Variants in PKIB observed in about 807,000 individuals in gnomAD.
The protein encoded by PKIB is cAMP-dependent protein kinase inhibitor beta.
PKIB carries 2 observed loss-of-function variants against 4.5 expected under a neutral mutation model. The ratio of observed to expected loss-of-function variants is 0.44; its 90% CI spans 0.18 to 1.39. PKIB has a LOEUF of 1.39. Among genes scored for constraint, PKIB ranks in the 40% most tolerant of loss-of-function variants. PKIB has a pLI of 0.27. For missense variants in PKIB, 94 were observed against 92.6 expected (o/e 1.02, Z -0.06); for synonymous variants, 38 against 36.0 (o/e 1.06, Z -0.20).
At chr6:122,475,722 G>A (rs1775437816) in intron 1 of PKIB, among the ~76,000 whole-genome samples, 11 of 152,130 alleles carry the variant, frequency 7.2e-5, no homozygotes, top group Admixed American at 7.2e-4. Flanking sequence ...GGAGGCAGAG[G>A]TTGCAGTGAG....
intron 3 of PKIB, among the ~76,000 whole-genome samples, chr6:122,704,183 C>T (rs1264747980): frequency 6.6e-6 from 1 of 152,020 alleles, no homozygotes; most frequent in Non-Finnish European, 1.5e-5. Context: ...AATTCTCCTT[C>T]TCTCTATCTT....
At chr6:122,623,201 C>A (rs1775308902) in intron 1 of PKIB, among the ~76,000 whole-genome samples, 1 of 152,092 alleles carries the variant, frequency 6.6e-6, no homozygotes. Flanking sequence ...GTAGAAAGGT[C>A]AGAAAATAAC....
At chr6:122,555,525 T>C (rs1328386497) in intron 2 of PKIB, among the ~76,000 whole-genome samples, 2 of 152,168 alleles carry the variant, frequency 1.3e-5, no homozygotes, top group African/African-American at 4.8e-5. Context: ...AAATTGACTT[T>C]AGACAAGACA....
chr6:122,644,929 A>G (rs1277843532), intron 2 of PKIB, among the ~76,000 whole-genome samples: 1 of 152,088 alleles, frequency 6.6e-6, no homozygotes, highest in Non-Finnish European at 1.5e-5. Context: ...GACTGTGACA[A>G]CTCCTGTAAC....
chr6:122,725,289 G>T lies in PKIB; in HGVS notation c.*94G>T, dbSNP rs1779912655. The T allele has an allele frequency of 1.0e-6, 1 of 1,001,472 alleles. No individual in the cohort carries two copies. The highest frequency in any genetic ancestry group is 1.5e-6 in the Non-Finnish European group (1 of 661,988). 62.0% of individuals were successfully genotyped at this position (1,001,472 alleles called of 1,614,324 possible). On this transcript the variant is annotated 3_prime_UTR_variant, in exon 5 of 5. Transcript: ENST00000368452. Reference sequence around the variant, plus strand: ...GACATTTAATCTGGTGGTAACTGTGGTAACATTGCAGCCCTAAGCAGCATG... The same window carrying T: ...GACATTTAATCTGGTGGTAACTGTGTTAACATTGCAGCCCTAAGCAGCATG...
intron 3 of PKIB, among the ~76,000 whole-genome samples, chr6:122,586,605 G>T (rs1271317367): frequency 6.6e-6 from 1 of 152,156 alleles, no homozygotes; most frequent in Non-Finnish European, 1.5e-5. Context: ...TCTTTACTGA[G>T]TATTAAATTC....
chr6:122,696,165 G>A (rs1778561953), intron 3 of PKIB, among the ~76,000 whole-genome samples: 1 of 152,254 alleles, frequency 6.6e-6, no homozygotes, highest in Non-Finnish European at 1.5e-5. Context: ...TTGAAAGTCA[G>A]CATTATTTAT....
At chr6:122,533,549 G>A (rs1433122838) in intron 2 of PKIB, among the ~76,000 whole-genome samples, 1 of 152,110 alleles carries the variant, frequency 6.6e-6, no homozygotes, top group Non-Finnish European at 1.5e-5. Context: ...TTTCTCTATT[G>A]TCTCACACTA....
chr6:122,547,422 G>T lies in PKIB; in HGVS notation c.-247-38499G>T, dbSNP rs561340178. On this transcript the variant is annotated intron_variant, in intron 2 of 6. Transcript: ENST00000392491. ...ACGATCTCAGCTCACTGCAACCTCC[G>T]CCTCCTGGATTCAAGCGATTCTCCT... Among the ~76,000 whole-genome samples the T allele has an allele frequency of 1.9e-3, 294 of 152,054 alleles. 3 individuals carry two copies. The highest frequency in any genetic ancestry group is 7.0e-3 in the African/African-American group (288 of 41,408).
At chr6:122,564,783 G>A (rs1164764366) in intron 2 of PKIB, among the ~76,000 whole-genome samples, 1 of 152,134 alleles carries the variant, frequency 6.6e-6, no homozygotes. Context: ...GGTGGCTGCT[G>A]TAGGTTAGGG....
intron 2 of PKIB, chr6:122,481,017 C>T (rs1775596580): frequency 6.6e-6 from 1 of 152,016 alleles, no homozygotes; most frequent in African/African-American, 2.4e-5. Context: ...CTCCTTGCAT[C>T]AAATCAAGCC....
At chr6:122,505,749 GTAT>G (rs544036982) in intron 2 of PKIB, among the ~76,000 whole-genome samples, 6 of 151,922 alleles carry the variant, frequency 3.9e-5, no homozygotes, top group Admixed American at 6.6e-5. Context: ...ATGTTTAGTA[GTAT>G]TATATGAATA....
intron 2 of PKIB, among the ~76,000 whole-genome samples, chr6:122,513,349 ACT>A (rs1776646043): frequency 6.6e-6 from 1 of 152,120 alleles, no homozygotes; most frequent in African/African-American, 2.4e-5. Flanking sequence ...TCTTGCTTTT[ACT>A]CTCTACCTTG....
chr6:122,481,087 G>GA (rs1775597820), intron 2 of PKIB: 1 of 152,132 alleles, frequency 6.6e-6, no homozygotes, highest in African/African-American at 2.4e-5. Flanking sequence ...CTTTTCAGTG[G>GA]AAAACCTGAC....
At chr6:122,719,543 G>T (rs1401634921) in intron 4 of PKIB, among the ~76,000 whole-genome samples, 1 of 152,138 alleles carries the variant, frequency 6.6e-6, no homozygotes, top group African/African-American at 2.4e-5. Context: ...GAGTAGAATG[G>T]TAGCTACCAG....
At chr6:122,644,625 T>G (rs1452612381) in intron 2 of PKIB, 1 of 152,210 alleles carries the variant, frequency 6.6e-6, no homozygotes, top group Non-Finnish European at 1.5e-5. Flanking sequence ...CCTGTACAGC[T>G]AATTATTTAA....
At chr6:122,690,956 T>C (rs1291857471) in intron 3 of PKIB, among the ~76,000 whole-genome samples, 1 of 147,732 alleles carries the variant, frequency 6.8e-6, no homozygotes. Flanking sequence ...TTGCCAAATA[T>C]ACTATTCTAG....
At position 122,547,831 on chromosome 6, in the gene PKIB, A is replaced by G. The variant is rs938950925; in HGVS notation, c.-247-38090A>G. On this transcript the variant is annotated intron_variant, in intron 2 of 6. Transcript: ENST00000392491. ...TCCGAGCCAGGTGATGAGCCTTCCCATATTATGGCTACACAGCTGTGATTA... is the reference window on the plus strand; with the variant it reads ...TCCGAGCCAGGTGATGAGCCTTCCCGTATTATGGCTACACAGCTGTGATTA... Among the ~76,000 whole-genome samples, 7 of 152,276 alleles carry G rather than the reference A, an allele frequency of 4.6e-5. No homozygotes were observed. The East Asian group carries it at 1.2e-3, about 25-fold the overall frequency.
chr6:122,637,143 C>A (rs1266140388), intron 2 of PKIB, among the ~76,000 whole-genome samples: 1 of 152,086 alleles, frequency 6.6e-6, no homozygotes, highest in Non-Finnish European at 1.5e-5. Flanking sequence ...TCTAACATGA[C>A]ATCAAAGGCA....
Sources: gnomAD v4.1 joint callset for allele counts (sites outside exome capture counted in the v4.1 genomes callset) on GRCh38, gnomAD v4.1.1 for gene constraint, MANE v1.5 for transcripts, NCBI Gene and HGNC (gene_info 2026-07-23, HGNC 2026-07-21) for gene names.